GALNT13: variants seen among roughly 807,000 people sequenced by gnomAD.
GALNT13 encodes the protein UDP-GalNAc:polypeptide N-acetylgalactosaminyltransferase 13.
GALNT13 carries 28 observed loss-of-function variants against 64.2 expected under a neutral mutation model. The observed-to-expected ratio is 0.44, with a 90% CI of 0.32 to 0.60. GALNT13 has a LOEUF of 0.60. Ranked by LOEUF, GALNT13 falls within the 20% of genes least tolerant of loss-of-function variation. GALNT13 has a pLI of 0.05. For synonymous variants in GALNT13, 214 were observed against 224.6 expected, an observed-to-expected ratio of 0.95 and a Z score of 0.42; for missense variants, 577 against 669.8, an observed-to-expected ratio of 0.86 and a Z score of 1.53.
chr2:153,129,033 T>G, the GALNT13 span, among the ~76,000 whole-genome samples: 1 of 152,094 alleles, frequency 6.6e-6, no homozygotes, highest in Admixed American at 6.6e-5. Context: ...TCAGATAGTG[T>G]CCATAGGAAT....
chr2:153,652,520 C>G, the GALNT13 span, among the ~76,000 whole-genome samples: 1 of 152,050 alleles, frequency 6.6e-6, no homozygotes, highest in Non-Finnish European at 1.5e-5. Flanking sequence ...GAGGCTGTGA[C>G]AGGAGAATTG....
rs570538648 is a variant in GALNT13, at chr2:154,352,729, A to G, written c.1157-43262A>G. ...TTCCCACACTACATAAGTTTCTTCAATGTACCTCCTAGGGTTAGTACTTTC... is the reference window on the plus strand; with the variant it reads ...TTCCCACACTACATAAGTTTCTTCAGTGTACCTCCTAGGGTTAGTACTTTC... On this transcript the variant is annotated intron_variant, in intron 9 of 12. Coordinates refer to ENST00000392825, the MANE Select transcript of GALNT13 (RefSeq NM_052917.4). Among the ~76,000 whole-genome samples, 74 of 152,210 alleles carry G rather than the reference A, an allele frequency of 4.9e-4. 3 individuals carry two copies. The South Asian group carries it at 0.015, about 31-fold the overall frequency.
At chr2:153,953,200 T>G (rs537179071) in intron 3 of GALNT13, among the ~76,000 whole-genome samples, 12 of 152,256 alleles carry the variant, frequency 7.9e-5, no homozygotes, top group African/African-American at 2.2e-4. Context: ...TTTCTTTGTC[T>G]TATTCTGAAC....
At chr2:153,745,666 T>G in the GALNT13 span, among the ~76,000 whole-genome samples, 1 of 152,210 alleles carries the variant, frequency 6.6e-6, no homozygotes, top group Non-Finnish European at 1.5e-5. Flanking sequence ...ATATTAAGCA[T>G]AGGTTAACAT....
chr2:153,372,991 A>G, the GALNT13 span, among the ~76,000 whole-genome samples: 2 of 152,168 alleles, frequency 1.3e-5, no homozygotes, highest in East Asian at 1.9e-4. Flanking sequence ...GTGGAGTTGC[A>G]TAAGACAGTA....
the GALNT13 span, among the ~76,000 whole-genome samples, chr2:153,082,806 G>T: frequency 1.4e-5 from 2 of 143,278 alleles, no homozygotes; most frequent in East Asian, 2.0e-4. Flanking sequence ...ATTATTTATT[G>T]AATAAATAAA....
At chr2:154,376,871 C>T (rs749735467) in intron 9 of GALNT13, among the ~76,000 whole-genome samples, 4 of 152,004 alleles carry the variant, frequency 2.6e-5, no homozygotes, top group South Asian at 2.1e-4. Flanking sequence ...TTTGCAGATG[C>T]GTTCTCTCAG....
chr2:153,634,462 C>T, the GALNT13 span, among the ~76,000 whole-genome samples: 2 of 151,242 alleles, frequency 1.3e-5, no homozygotes, highest in South Asian at 2.1e-4. Context: ...TACTCCTAGA[C>T]TCTCTTCTTC....
At chr2:154,386,585 T>C (rs1487824681) in intron 9 of GALNT13, among the ~76,000 whole-genome samples, 1 of 152,062 alleles carries the variant, frequency 6.6e-6, no homozygotes, top group Non-Finnish European at 1.5e-5. Context: ...CAGTTTCAAA[T>C]GAAAACCAAT....
chr2:153,325,578 G>T, the GALNT13 span, among the ~76,000 whole-genome samples: 1 of 152,034 alleles, frequency 6.6e-6, no homozygotes, highest in African/African-American at 2.4e-5. Context: ...GGTTCTTTTA[G>T]TTGTGATGCT....
the GALNT13 span, among the ~76,000 whole-genome samples, chr2:153,306,691 C>A: frequency 1.9e-4 from 29 of 152,282 alleles, no homozygotes; most frequent in East Asian, 5.2e-3. Flanking sequence ...TATAATAATT[C>A]TTTTGAAAAA....
chr2:154,137,670 C>G (rs1316859013), intron 3 of GALNT13, among the ~76,000 whole-genome samples: 1 of 152,082 alleles, frequency 6.6e-6, no homozygotes, highest in Non-Finnish European at 1.5e-5. Flanking sequence ...AATTGACCTT[C>G]ATAGCTTAAG....
At chr2:153,676,835 A>G in the GALNT13 span, among the ~76,000 whole-genome samples, 9 of 152,164 alleles carry the variant, frequency 5.9e-5, no homozygotes, top group Admixed American at 5.9e-4. Flanking sequence ...ACATCCTTTC[A>G]TGTTAAATAG....
chr2:153,840,467 T>C, the GALNT13 span, among the ~76,000 whole-genome samples: 3 of 152,072 alleles, frequency 2.0e-5, no homozygotes, highest in Non-Finnish European at 4.4e-5. Context: ...ATTTATCATA[T>C]TGAGAAGGAG....
chr2:153,296,623 C>A, the GALNT13 span, among the ~76,000 whole-genome samples: 1 of 152,088 alleles, frequency 6.6e-6, no homozygotes, highest in Non-Finnish European at 1.5e-5. Flanking sequence ...ATATTCCTGA[C>A]TGACGCAGAA....
At chr2:153,557,229 A>G in the GALNT13 span, among the ~76,000 whole-genome samples, 1 of 152,212 alleles carries the variant, frequency 6.6e-6, no homozygotes, top group African/African-American at 2.4e-5. Context: ...TCAGTACAGT[A>G]ACATGTTGTA....
chr2:153,458,945 T>A, the GALNT13 span, among the ~76,000 whole-genome samples: 1 of 152,194 alleles, frequency 6.6e-6, no homozygotes, highest in African/African-American at 2.4e-5. Flanking sequence ...CTAGGAGATA[T>A]GACTCTTAAA....
At chr2:153,469,650 A>T in the GALNT13 span, among the ~76,000 whole-genome samples, 1 of 152,128 alleles carries the variant, frequency 6.6e-6, no homozygotes, top group Admixed American at 6.6e-5. Context: ...AAAAGTAAAT[A>T]AAGTATTTCA....
the GALNT13 span, among the ~76,000 whole-genome samples, chr2:153,168,699 C>T: frequency 2.6e-5 from 4 of 152,126 alleles, no homozygotes; most frequent in Non-Finnish European, 4.4e-5. Flanking sequence ...ATAAAATATA[C>T]CTATCTCCCA....
Sources: gnomAD v4.1 joint callset for allele counts (sites outside exome capture counted in the v4.1 genomes callset) on GRCh38, gnomAD v4.1.1 for gene constraint, MANE v1.5 for transcripts, NCBI Gene and HGNC (gene_info 2026-07-23, HGNC 2026-07-21) for gene names.